The following SHANK2 variants were observed in gnomAD, a reference collection of about 807,000 sequenced individuals.
SHANK2 encodes the protein SH3 and multiple ankyrin repeat domains protein 2.
A neutral mutation model predicts 133.7 loss-of-function variants in SHANK2; 43 were observed. That is an observed-to-expected ratio of 0.32 (90% CI 0.25 to 0.41). The LOEUF is 0.41. Ranked by LOEUF, SHANK2 falls within the 10% of genes least tolerant of loss-of-function variation. SHANK2 has a pLI of 1.00. For synonymous variants in SHANK2, 1,017 were observed against 952.8 expected (o/e 1.07, Z -1.24); for missense variants, 1,994 against 2,235.8 (o/e 0.89, Z 2.18).
intron 11 of SHANK2, among the ~76,000 whole-genome samples, chr11:70,871,641 T>C (rs1464749027): frequency 1.3e-5 from 2 of 152,144 alleles, no homozygotes; most frequent in African/African-American, 2.4e-5. Context: ...AATATGACCA[T>C]ATCCCTGATG....
At position 70,766,318 on chromosome 11, in the gene SHANK2, T is replaced by A. The variant is rs1403670896; in HGVS notation, c.1777+32125A>T. ...CTGCTGCCCTCTGTCTTCTTTAATA[T>A]GACAGAGAAATATGCCTCTGTGTCA... On this transcript the variant is annotated intron_variant, in intron 14 of 25. Coordinates refer to ENST00000601538, the MANE Select transcript of SHANK2 (RefSeq NM_012309.5). Among the ~76,000 whole-genome samples, 24 of 152,204 alleles carry A rather than the reference T, an allele frequency of 1.6e-4. 1 individual carries two copies. Among genetic ancestry groups the A allele is most frequent in the Admixed American group, 1.5e-3 (23 of 15,274 alleles).
chr11:70,724,013 G>A (rs1214233552), intron 14 of SHANK2, among the ~76,000 whole-genome samples: 1 of 148,206 alleles, frequency 6.7e-6, no homozygotes, highest in African/African-American at 2.5e-5. Context: ...CTCAAGAGGT[G>A]TGTTCTGGAG....
At chr11:70,688,685 A>C (rs1477919208) in intron 15 of SHANK2, among the ~76,000 whole-genome samples, 1 of 152,208 alleles carries the variant, frequency 6.6e-6, no homozygotes, top group Non-Finnish European at 1.5e-5. Context: ...TGATCTTGTC[A>C]TGGGGCTGGC....
intron 7 of SHANK2, 140 bp downstream of exon 7, chr11:71,094,397 G>C (rs1017442618): frequency 2.2e-4 from 167 of 754,706 alleles, no homozygotes; most frequent in Middle Eastern, 7.8e-4. Flanking sequence ...GCTCCAGCCG[G>C]AACACTGTGC....
At chr11:70,930,405 G>A (rs1469937180) in intron 10 of SHANK2, among the ~76,000 whole-genome samples, 1 of 152,208 alleles carries the variant, frequency 6.6e-6, no homozygotes, top group Non-Finnish European at 1.5e-5. Context: ...TGAAGCCACT[G>A]GGAATGTGGG....
intron 17 of SHANK2, among the ~76,000 whole-genome samples, chr11:70,629,911 G>A (rs962205249): frequency 6.6e-5 from 10 of 152,232 alleles, no homozygotes; most frequent in African/African-American, 2.4e-4. Flanking sequence ...TGTCTTGGCA[G>A]TTAACAGACC....
At chr11:70,570,324 A>G (rs540973956) in intron 17 of SHANK2, among the ~76,000 whole-genome samples, 89 of 152,320 alleles carry the variant, frequency 5.8e-4, no homozygotes, top group African/African-American at 2.0e-3. Context: ...GGTATTTCTA[A>G]TTCCTGATGG....
chr11:70,558,393 C>A (rs1412380544), intron 17 of SHANK2, among the ~76,000 whole-genome samples: 3 of 152,258 alleles, frequency 2.0e-5, no homozygotes, highest in Admixed American at 6.5e-5. Flanking sequence ...GCGTGCACGA[C>A]CCAGCCCAGT....
intron 10 of SHANK2, among the ~76,000 whole-genome samples, chr11:70,948,956 C>T (rs1950794522): frequency 2.6e-5 from 4 of 152,252 alleles, no homozygotes; most frequent in South Asian, 4.2e-4. Flanking sequence ...AGACGGCCGA[C>T]GGTGAACTTT....
intron 11 of SHANK2, among the ~76,000 whole-genome samples, chr11:70,856,220 G>T (rs1949169549): frequency 6.6e-6 from 1 of 151,800 alleles, no homozygotes; most frequent in Admixed American, 6.6e-5. Context: ...ATGGATGAAT[G>T]AATGGATGAA....
chr11:70,501,032 C>A (rs1359138305), intron 20 of SHANK2, among the ~76,000 whole-genome samples: 3 of 145,890 alleles, frequency 2.1e-5, no homozygotes, highest in African/African-American at 8.5e-5. Flanking sequence ...AAGATGAGAG[C>A]TGCTAGGCTT....
intron 14 of SHANK2, among the ~76,000 whole-genome samples, chr11:70,699,246 TAA>T (rs57742347): frequency 3.7e-4 from 50 of 136,294 alleles, no homozygotes; most frequent in Non-Finnish European, 3.4e-4. Context: ...TCCTTTCTCC[TAA>T]AAAAAAAAAA....
chr11:71,119,833 C>A (rs1952051019), intron 3 of SHANK2, among the ~76,000 whole-genome samples: 1 of 152,172 alleles, frequency 6.6e-6, no homozygotes, highest in African/African-American at 2.4e-5. Flanking sequence ...AACACACATT[C>A]AGAGCCACAG....
In SHANK2 at chr11:70,545,151, G is replaced by A. The variant is rs145082401; in HGVS notation, c.2062-42220C>T. On this transcript the variant is annotated intron_variant, in intron 17 of 25. Coordinates refer to ENST00000601538, the MANE Select transcript of SHANK2 (RefSeq NM_012309.5). ...TCACCACCCCAGTCCTGCCGTGGGC[G>A]TCTCTTTTTGTCTGAGAATGGATGG... Among the ~76,000 whole-genome samples, 484 of 152,346 alleles carry A rather than the reference G, an allele frequency of 3.2e-3. 7 individuals are homozygous for A. Among genetic ancestry groups the A allele is most frequent in the South Asian group, 4.8e-3 (23 of 4,832 alleles).
chr11:70,847,462 C>T (rs115059764), intron 11 of SHANK2, among the ~76,000 whole-genome samples: 11 of 152,260 alleles, frequency 7.2e-5, no homozygotes, highest in African/African-American at 2.2e-4. Flanking sequence ...CTGCTGTCAG[C>T]GTTAAAAATA....
intron 21 of SHANK2, among the ~76,000 whole-genome samples, chr11:70,494,785 G>A (rs1191960681): frequency 6.6e-6 from 1 of 152,120 alleles, no homozygotes; most frequent in Admixed American, 6.5e-5. Flanking sequence ...GAAAGCCCTT[G>A]CCCCATAGTG....
chr11:70,759,182 A>AACCAG (rs1565297441), intron 14 of SHANK2, among the ~76,000 whole-genome samples: 2 of 147,388 alleles, frequency 1.4e-5, no homozygotes, highest in Admixed American at 6.8e-5. Flanking sequence ...AACCAAACCA[A>AACCAG]ACCAAAACAA....
chr11:70,682,035 G>A (rs1945039648), intron 15 of SHANK2, among the ~76,000 whole-genome samples: 1 of 151,584 alleles, frequency 6.6e-6, no homozygotes, highest in South Asian at 2.1e-4. Context: ...ACAGGAGTTC[G>A]ACAACCTGGA....
intron 11 of SHANK2, among the ~76,000 whole-genome samples, chr11:70,853,261 A>T (rs1194383593): frequency 3.9e-5 from 6 of 152,242 alleles, no homozygotes; most frequent in Admixed American, 3.9e-4. Flanking sequence ...AACTCCAGCC[A>T]GGTGGACCTG....
Sources: allele counts gnomAD v4.1 joint callset (sites outside exome capture counted in the v4.1 genomes callset), GRCh38; gene constraint gnomAD v4.1.1; transcripts MANE v1.5; gene names NCBI Gene and HGNC (gene_info 2026-07-23, HGNC 2026-07-21).